The following NRG3 variants were observed in gnomAD, a reference collection of about 807,000 sequenced individuals.
The protein encoded by NRG3 is neuregulin 3.
Under a neutral mutation model 66.9 loss-of-function variants are expected in NRG3, and 31 were observed. That is an observed-to-expected ratio of 0.46 (90% confidence interval 0.35 to 0.63). NRG3 has a LOEUF of 0.63. NRG3 is among the 20% of genes least tolerant of loss of function. The pLI is 0.00. For synonymous variants in NRG3, 393 were observed against 359.4 expected (o/e 1.09, Z -1.06); for missense variants, 910 against 878.9 (o/e 1.04, Z -0.45).
At chr10:82,324,393 T>C (rs960149889) in intron 1 of NRG3, among the ~76,000 whole-genome samples, 1 of 152,150 alleles carries the variant, frequency 6.6e-6, no homozygotes, top group Non-Finnish European at 1.5e-5. Flanking sequence ...TTTTTCTCTA[T>C]TGATTTTCAT....
intron 1 of NRG3, among the ~76,000 whole-genome samples, chr10:82,278,226 T>C (rs2134402987): frequency 6.6e-6 from 1 of 151,874 alleles, no homozygotes; most frequent in East Asian, 1.9e-4. Flanking sequence ...TTTTAAAGCG[T>C]TCTTGGTTTC....
chr10:82,954,528 C>T (rs1007338022), intron 5 of NRG3, among the ~76,000 whole-genome samples: 1 of 151,828 alleles, frequency 6.6e-6, no homozygotes, highest in African/African-American at 2.4e-5. Context: ...TGTCTACCAG[C>T]CTGGGACACA....
chr10:82,879,703 C>A (rs906231836), intron 4 of NRG3, among the ~76,000 whole-genome samples: 2 of 152,084 alleles, frequency 1.3e-5, no homozygotes, highest in African/African-American at 2.4e-5. Context: ...GTCTCGATCT[C>A]CTGACCTCAT....
intron 1 of NRG3, among the ~76,000 whole-genome samples, chr10:82,356,293 T>C (rs962879983): frequency 1.3e-5 from 2 of 152,200 alleles, no homozygotes; most frequent in Non-Finnish European, 2.9e-5. Flanking sequence ...TTTTATGCTG[T>C]AGATTATGTT....
At chr10:81,964,678 A>T (rs1193209941) in intron 1 of NRG3, among the ~76,000 whole-genome samples, 1 of 152,192 alleles carries the variant, frequency 6.6e-6, no homozygotes, top group Admixed American at 6.5e-5. Flanking sequence ...CTACTGCCAG[A>T]CTGTCTTCCA....
chr10:81,876,389 G>T (rs926549326), intron 1 of NRG3, among the ~76,000 whole-genome samples: 2 of 152,086 alleles, frequency 1.3e-5, no homozygotes, highest in African/African-American at 4.8e-5. Context: ...AGATTGTCAG[G>T]CTCCACTGGC....
chr10:81,944,172 G>C (rs1472792693), intron 1 of NRG3, among the ~76,000 whole-genome samples: 1 of 152,216 alleles, frequency 6.6e-6, no homozygotes, highest in Non-Finnish European at 1.5e-5. Flanking sequence ...CAAATGGCAA[G>C]TAAGCAGACA....
intron 2 of NRG3, among the ~76,000 whole-genome samples, chr10:82,551,700 C>T (rs892615698): frequency 6.6e-6 from 1 of 151,890 alleles, no homozygotes; most frequent in African/African-American, 2.4e-5. Context: ...ACCACCATAG[C>T]GGTCAATGAG....
chr10:82,414,211 C>G (rs1466616688), intron 2 of NRG3, among the ~76,000 whole-genome samples: 1 of 152,044 alleles, frequency 6.6e-6, no homozygotes, highest in Non-Finnish European at 1.5e-5. Context: ...TTTGCTTGCT[C>G]ACACAGAGGC....
intron 1 of NRG3, among the ~76,000 whole-genome samples, chr10:82,125,138 A>G (rs1649934): frequency 0.52 from 78,906 of 151,720 alleles, 22,662 homozygotes; most frequent in Non-Finnish European, 0.66. Context: ...GAGACAATTG[A>G]AATGTCCTTT....
chr10:82,576,553 G>T lies in NRG3; in HGVS notation c.954-162024G>T, dbSNP rs188333627. ...GGCTGTCACATTGAAATATGTGAGG[G>T]TTCATAGTTGGGGAAATATAGAAAA... On this transcript the variant is annotated intron_variant, in intron 2 of 8. Transcript: ENST00000372141. 1.9e-3 allele frequency among the ~76,000 whole-genome samples: 291 copies of T among 151,788 alleles called. 1 individual carries two copies. The highest frequency in any genetic ancestry group is 6.5e-3 in the African/African-American group (268 of 41,492).
chr10:82,324,854 A>G (rs1041525353), intron 1 of NRG3, among the ~76,000 whole-genome samples: 1 of 152,188 alleles, frequency 6.6e-6, no homozygotes, highest in African/African-American at 2.4e-5. Context: ...TAAATGTGGC[A>G]TGCACACTAG....
intron 1 of NRG3, among the ~76,000 whole-genome samples, chr10:81,883,571 G>T (rs1842366408): frequency 6.6e-6 from 1 of 152,114 alleles, no homozygotes; most frequent in South Asian, 2.1e-4. Flanking sequence ...TAGGCCATAC[G>T]AACATTTTTT....
intron 3 of NRG3, among the ~76,000 whole-genome samples, chr10:82,796,222 T>C (rs1202161663): frequency 6.6e-6 from 1 of 152,126 alleles, no homozygotes; most frequent in Non-Finnish European, 1.5e-5. Flanking sequence ...ACTGAAAACA[T>C]TATTCTATCA....
chr10:82,299,549 G>GTT (rs757766628), intron 1 of NRG3, among the ~76,000 whole-genome samples: 67,744 of 147,346 alleles, frequency 0.46, 18,092 homozygotes, highest in African/African-American at 0.76. Flanking sequence ...ATCCAGCCCT[G>GTT]TTTTTTTTTT....
Position 81,875,561 on chromosome 10 carries a change from T to G in NRG3, c.221T>G (p.Ile74Ser). The G allele has an allele frequency of 6.2e-7, 1 of 1,613,298 alleles. No individual in the cohort carries two copies. The highest frequency in any genetic ancestry group is 8.5e-7 in the Non-Finnish European group (1 of 1,179,900). Residue 74 changes from isoleucine (I) to serine (S), a missense_variant, in exon 1 of 9, where the codon ATC becomes AGC. Coordinates refer to ENST00000372141, the MANE Select transcript of NRG3 (RefSeq NM_001010848.4). This position sits in a 1 kb window ranked among gnomAD's most constrained non-coding sequence, Gnocchi z 5.3. ...TGGCTGTGCGTGGTACCTCTGTTCA[T>G]CGGCTTCATCGGCCTGGGGCTCAGC... ...QTWLCVVPLF[I>S]GFIGLGLSLM...
At chr10:82,396,975 G>A (rs941382505) in intron 2 of NRG3, among the ~76,000 whole-genome samples, 1 of 152,128 alleles carries the variant, frequency 6.6e-6, no homozygotes, top group Non-Finnish European at 1.5e-5. Flanking sequence ...CCAAATCACA[G>A]GCTCTGTAAC....
intron 1 of NRG3, among the ~76,000 whole-genome samples, chr10:81,932,417 C>T (rs1216598220): frequency 6.6e-6 from 1 of 152,180 alleles, no homozygotes; most frequent in Non-Finnish European, 1.5e-5. Context: ...TGAGGTTTAG[C>T]TGGGGACAAA....
At chr10:81,941,380 C>T (rs577117174) in intron 1 of NRG3, among the ~76,000 whole-genome samples, 51 of 152,122 alleles carry the variant, frequency 3.4e-4, no homozygotes, top group African/African-American at 1.0e-3. Context: ...GGGTACCTCA[C>T]TTGAAATGTG....
Sources: gnomAD v4.1 joint callset for allele counts (sites outside exome capture counted in the v4.1 genomes callset) on GRCh38, gnomAD v4.1.1 for gene constraint, Gnocchi (gnomAD v3.1) non-coding constraint, MANE v1.5 for transcripts, NCBI Gene and HGNC (gene_info 2026-07-23, HGNC 2026-07-21) for gene names.